PRKN: variants seen among roughly 807,000 people sequenced by gnomAD.
PRKN encodes E3 ubiquitin-protein ligase parkin.
PRKN carries 56 observed loss-of-function variants against 59.5 expected under a neutral mutation model. The observed-to-expected ratio is 0.94, with a 90% CI of 0.76 to 1.18. PRKN has a LOEUF of 1.18. Among genes scored for constraint, PRKN ranks in the 50% most tolerant of loss-of-function variants. The pLI is 0.00. For missense variants in PRKN, 657 were observed against 596.4 expected (o/e 1.10, Z -1.06); for synonymous variants, 250 against 222.1 (o/e 1.13, Z -1.12).
chr6:162,567,557 A>G (rs1356733958), intron 1 of PRKN, among the ~76,000 whole-genome samples: 1 of 152,208 alleles, frequency 6.6e-6, no homozygotes, highest in African/African-American at 2.4e-5. Context: ...CTTAGGAATT[A>G]CCCAAAGAAG....
intron 6 of PRKN, among the ~76,000 whole-genome samples, chr6:161,815,968 C>T (rs920069402): frequency 6.6e-6 from 1 of 152,172 alleles, no homozygotes; most frequent in Non-Finnish European, 1.5e-5. Flanking sequence ...GAACATGTAT[C>T]TAACAGGAGA....
At chr6:161,753,223 G>T (rs1488390423) in intron 7 of PRKN, among the ~76,000 whole-genome samples, 3 of 152,170 alleles carry the variant, frequency 2.0e-5, no homozygotes, top group Non-Finnish European at 4.4e-5. Flanking sequence ...AGTTGTCTGG[G>T]AGTGAGAAGT....
chr6:162,556,345 GTGTGTGTGTGTGTGTGTGTGTGTGT>G (rs1779577989), intron 1 of PRKN, among the ~76,000 whole-genome samples: 1 of 50,762 alleles, frequency 2.0e-5, no homozygotes, highest in Non-Finnish European at 4.3e-5. Context: ...CTCAGCTGGT[GTGTGTGTGTGTGTGTGTGTGTGTGT>G]GTGTGTGTGT....
At chr6:162,076,501 C>T (rs1216135888) in intron 4 of PRKN, among the ~76,000 whole-genome samples, 2 of 152,008 alleles carry the variant, frequency 1.3e-5, no homozygotes, top group Non-Finnish European at 2.9e-5. Flanking sequence ...CTATCTTTCC[C>T]CCGATTGTGT....
chr6:161,777,888 A>G (rs1183161495), intron 7 of PRKN, among the ~76,000 whole-genome samples: 1 of 130,498 alleles, frequency 7.7e-6, no homozygotes, highest in Non-Finnish European at 1.7e-5. Context: ...ATATATGTAT[A>G]TATATGTATA....
intron 10 of PRKN, among the ~76,000 whole-genome samples, chr6:161,383,242 T>C (rs1169726069): frequency 6.6e-6 from 1 of 152,182 alleles, no homozygotes; most frequent in East Asian, 1.9e-4. Context: ...ATAAAAGCCC[T>C]TCATTCTGTT....
intron 10 of PRKN, among the ~76,000 whole-genome samples, chr6:161,381,360 C>T (rs1785977106): frequency 2.0e-5 from 3 of 152,168 alleles, no homozygotes; most frequent in Admixed American, 2.0e-4. Context: ...TGGGGCTTGT[C>T]AACTCTATGC....
At chr6:162,475,119 T>G (rs903706965) in intron 1 of PRKN, among the ~76,000 whole-genome samples, 1 of 152,196 alleles carries the variant, frequency 6.6e-6, no homozygotes, top group Non-Finnish European at 1.5e-5. Flanking sequence ...AATGATTATG[T>G]GATGAATAGC....
At chr6:161,776,579 T>C (rs1789934227) in intron 7 of PRKN, among the ~76,000 whole-genome samples, 1 of 152,124 alleles carries the variant, frequency 6.6e-6, no homozygotes, top group African/African-American at 2.4e-5. Context: ...CACCCCAGAG[T>C]AGTTCTTAAA....
chr6:162,593,137 G>T (rs1781373856), intron 1 of PRKN, among the ~76,000 whole-genome samples: 1 of 152,122 alleles, frequency 6.6e-6, no homozygotes, highest in Non-Finnish European at 1.5e-5. Context: ...ACAGAATTAG[G>T]GGTTAATTAG....
chr6:161,850,930 G>T (rs7743041), intron 6 of PRKN, among the ~76,000 whole-genome samples: 73,200 of 151,926 alleles, frequency 0.48, 18,009 homozygotes, highest in East Asian at 0.76. Flanking sequence ...TACTGGGGAT[G>T]TTAAAGGTAA....
At position 161,575,576 on chromosome 6, in the gene PRKN, C is replaced by G. The variant is rs1344825885; in HGVS notation, c.872-6160G>C. 6.6e-6 allele frequency among the ~76,000 whole-genome samples: 1 copy of G among 152,144 alleles called. No individual in the cohort carries two copies. The highest frequency in any genetic ancestry group is 2.4e-5 in the African/African-American group (1 of 41,428). On this transcript the variant is annotated intron_variant, in intron 7 of 11. Coordinates refer to ENST00000366898, the MANE Select transcript of PRKN (RefSeq NM_004562.3). The surrounding 1 kb of genome is among the most constrained non-coding windows in gnomAD (Gnocchi z 4.6). Reference sequence around the variant, plus strand: ...ACATGAGTCTTCGATCACTATTTTTCCTTTTAATTTCTTTGCAAGTCATCA... The same window carrying G: ...ACATGAGTCTTCGATCACTATTTTTGCTTTTAATTTCTTTGCAAGTCATCA...
intron 6 of PRKN, among the ~76,000 whole-genome samples, chr6:161,887,483 G>T (rs1370583658): frequency 6.6e-6 from 1 of 152,154 alleles, no homozygotes; most frequent in Non-Finnish European, 1.5e-5. Context: ...TTAATTCACA[G>T]TATAAACGTT....
At chr6:161,606,151 A>G (rs529305636) in intron 7 of PRKN, among the ~76,000 whole-genome samples, 1 of 152,248 alleles carries the variant, frequency 6.6e-6, no homozygotes, top group Non-Finnish European at 1.5e-5. Context: ...GGAAAATGTC[A>G]TCAATTCCTG....
Position 161,794,366 on chromosome 6 carries a change from T to C in PRKN, c.735-8458A>G, listed in dbSNP as rs560771933. On this transcript the variant is annotated intron_variant, in intron 6 of 11. Coordinates refer to ENST00000366898, the MANE Select transcript of PRKN (RefSeq NM_004562.3). The stretch of plus-strand genomic sequence containing the variant: ...AGAGCAATGGATTAGGTCTCATGAG[T>C]GTTGGCGGAGTCTGAATTCTCACGA... Among the ~76,000 whole-genome samples, 11 of 151,886 alleles carry C rather than the reference T, an allele frequency of 7.2e-5. No individual in the cohort carries two copies. The East Asian group carries it at 1.2e-3, about 16-fold the overall frequency.
At chr6:162,324,872 C>T (rs1299032637) in intron 2 of PRKN, among the ~76,000 whole-genome samples, 3 of 151,914 alleles carry the variant, frequency 2.0e-5, no homozygotes, top group African/African-American at 7.3e-5. Context: ...GAACCAATGG[C>T]AATATTGTGT....
At chr6:162,562,034 C>T (rs1779865542) in intron 1 of PRKN, among the ~76,000 whole-genome samples, 1 of 152,066 alleles carries the variant, frequency 6.6e-6, no homozygotes, top group Admixed American at 6.5e-5. Flanking sequence ...CAGAAAAGAC[C>T]CCTTCCTTCC....
chr6:161,727,882 C>A (rs1467055905), intron 7 of PRKN, among the ~76,000 whole-genome samples: 1 of 152,038 alleles, frequency 6.6e-6, no homozygotes, highest in African/African-American at 2.4e-5. Context: ...CTCTGAATAA[C>A]AAGATTAATT....
At chr6:161,888,419 T>C (rs992554088) in intron 6 of PRKN, among the ~76,000 whole-genome samples, 5 of 152,146 alleles carry the variant, frequency 3.3e-5, no homozygotes, top group Non-Finnish European at 4.4e-5. Flanking sequence ...TCATCCAAAC[T>C]GGCCTCAATC....
Sources: allele counts gnomAD v4.1 joint callset (sites outside exome capture counted in the v4.1 genomes callset), GRCh38; gene constraint gnomAD v4.1.1; non-coding constraint Gnocchi (gnomAD v3.1); transcripts MANE v1.5; gene names NCBI Gene and HGNC (gene_info 2026-07-23, HGNC 2026-07-21).